PIP4K2A: variants seen among roughly 807,000 people sequenced by gnomAD.
The protein encoded by PIP4K2A is phosphatidylinositol-5-phosphate 4-kinase type 2 alpha, also known as phosphatidylinositol 5-phosphate 4-kinase type-2 alpha.
Under a neutral mutation model 42.9 loss-of-function variants are expected in PIP4K2A, and 14 were observed. The observed-to-expected ratio is 0.33, with a 90% CI of 0.22 to 0.51. PIP4K2A has a LOEUF of 0.51. PIP4K2A is among the 20% of genes least tolerant of loss of function. The probability of loss-of-function intolerance (pLI) is 0.97; values close to 1 mark genes in which losing one functional copy is unlikely to be tolerated. For missense variants in PIP4K2A, 434 were observed against 519.8 expected (o/e 0.83, Z 1.61); for synonymous variants, 192 against 192.2 (o/e 1.00, Z 0.01).
intron 1 of PIP4K2A, among the ~76,000 whole-genome samples, chr10:22,677,864 G>C (rs929525108): frequency 6.6e-6 from 1 of 152,160 alleles, no homozygotes; most frequent in African/African-American, 2.4e-5. Flanking sequence ...AAGTTTAAAT[G>C]AAAGTAACAA....
rs1835888717 is a variant in PIP4K2A at position 22,535,154 on chromosome 10, A to C, written c.*2047T>G. The C allele has an allele frequency of 6.6e-6, 1 of 152,248 alleles. No individual in the cohort carries two copies. The highest frequency in any genetic ancestry group is 1.5e-5 in the Non-Finnish European group (1 of 68,050). The allele number at this position is 152,248 out of a possible 1,614,324, so 9.4% of individuals were successfully genotyped here. On this transcript the variant is annotated 3_prime_UTR_variant, in exon 10 of 10. Coordinates refer to ENST00000376573, the MANE Select transcript of PIP4K2A (RefSeq NM_005028.5). ...TCTGTAAACTTCTAAAAGCATACAC[A>C]GATTGGCCCCCAAGGAAACAGTTAC...
At position 22,626,075 on chromosome 10, in the gene PIP4K2A, T is replaced by C. The variant is rs573220383; in HGVS notation, c.145-16358A>G. On this transcript the variant is annotated intron_variant, in intron 1 of 9. Transcript: ENST00000376573. ...GACAGAGATGACATTATAGCCATCC[T>C]GCGTGGTCCCGCTGAGTCTTTCCCA... Among the ~76,000 whole-genome samples the C allele has an allele frequency of 6.1e-4, 93 of 152,274 alleles. No homozygotes were observed. In the South Asian group the frequency reaches 8.7e-3, roughly 14 times the overall value.
intron 7 of PIP4K2A, among the ~76,000 whole-genome samples, chr10:22,546,440 C>A (rs1053844029): frequency 1.3e-5 from 2 of 152,140 alleles, no homozygotes; most frequent in African/African-American, 4.8e-5. Context: ...GAGACAGGGT[C>A]TGGCTCTGTC....
chr10:22,575,385 C>G (rs1473732362), intron 4 of PIP4K2A, among the ~76,000 whole-genome samples: 1 of 152,158 alleles, frequency 6.6e-6, no homozygotes, highest in Non-Finnish European at 1.5e-5. Flanking sequence ...TCACTGAGCT[C>G]CCATCACGAA....
At chr10:22,577,127 G>A (rs1188615841) in intron 4 of PIP4K2A, among the ~76,000 whole-genome samples, 1 of 149,662 alleles carries the variant, frequency 6.7e-6, no homozygotes, top group Non-Finnish European at 1.5e-5. Context: ...TAAAAAATAC[G>A]TATTGAGCAT....
chr10:22,694,583 T>C (rs1258134477), intron 1 of PIP4K2A: 2 of 152,238 alleles, frequency 1.3e-5, no homozygotes, highest in African/African-American at 2.4e-5. Context: ...CCTGACCTAC[T>C]CTGTGATCAC....
chr10:22,662,998 T>A (rs563063567), intron 1 of PIP4K2A, among the ~76,000 whole-genome samples: 2 of 152,344 alleles, frequency 1.3e-5, no homozygotes, highest in Admixed American at 6.5e-5. Flanking sequence ...AGGCAACTGA[T>A]GAATCCAAAA....
intron 1 of PIP4K2A, chr10:22,713,943 CG>C (rs1317058886): frequency 2.7e-6 from 1 of 371,662 alleles, no homozygotes; most frequent in Non-Finnish European, 4.9e-6. Flanking sequence ...CACATGCACA[CG>C]GGACCCCCGA....
chr10:22,536,294 A>G lies in PIP4K2A; in HGVS notation c.*907T>C. 1 of 395,216 alleles carries G rather than the reference A, an allele frequency of 2.5e-6. No homozygotes were observed. The highest frequency in any genetic ancestry group is 3.6e-5 in the East Asian group (1 of 27,912). The allele number at this position is 395,216 out of a possible 1,614,324, so 24.5% of individuals were successfully genotyped here. A position where few individuals can be genotyped will look rare whatever the true frequency, so the allele number is the denominator to read the frequency against. On this transcript the variant is annotated 3_prime_UTR_variant, in exon 10 of 10. Transcript: ENST00000376573. ...CATTGCCCCAAACTATGCACTTTTCAGGTAAGCTTTACTTTTATTTTGTAG... is the reference window on the plus strand; with the variant it reads ...CATTGCCCCAAACTATGCACTTTTCGGGTAAGCTTTACTTTTATTTTGTAG...
chr10:22,589,141 G>C (rs1350355148), intron 4 of PIP4K2A, among the ~76,000 whole-genome samples: 1 of 152,194 alleles, frequency 6.6e-6, no homozygotes, highest in Non-Finnish European at 1.5e-5. Context: ...TATTAGCATG[G>C]TATCATGGCC....
At chr10:22,623,847 G>A in intron 1 of PIP4K2A, among the ~76,000 whole-genome samples, 1 of 152,220 alleles carries the variant, frequency 6.6e-6, no homozygotes, top group Non-Finnish European at 1.5e-5. Flanking sequence ...CTAAGACTGA[G>A]CCCTGAGCTC....
chr10:22,620,791 C>G (rs1838311019), intron 1 of PIP4K2A, among the ~76,000 whole-genome samples: 1 of 152,248 alleles, frequency 6.6e-6, no homozygotes. Context: ...TTAGCCACCA[C>G]AGGGCTCTGG....
At chr10:22,543,830 C>T (rs576274903) in intron 7 of PIP4K2A, among the ~76,000 whole-genome samples, 7 of 152,254 alleles carry the variant, frequency 4.6e-5, no homozygotes, top group East Asian at 3.9e-4. Context: ...GTACCAGCTC[C>T]GCTATACATG....
chr10:22,560,017 T>C (rs1836645809), intron 6 of PIP4K2A, among the ~76,000 whole-genome samples: 1 of 152,220 alleles, frequency 6.6e-6, no homozygotes, highest in Non-Finnish European at 1.5e-5. Context: ...TAGATGTTAC[T>C]GGTGCCACCT....
intron 4 of PIP4K2A, among the ~76,000 whole-genome samples, chr10:22,589,496 C>T (rs932824087): frequency 3.9e-5 from 6 of 152,122 alleles, no homozygotes; most frequent in African/African-American, 1.2e-4. Context: ...AATTTAGAGG[C>T]TAATGATTTT....
At chr10:22,547,496 A>G (rs1175507464) in intron 7 of PIP4K2A, among the ~76,000 whole-genome samples, 1 of 152,202 alleles carries the variant, frequency 6.6e-6, no homozygotes, top group African/African-American at 2.4e-5. Context: ...GGCTGTTTTG[A>G]GAATGACAAG....
At chr10:22,617,524 A>G (rs1479868752) in intron 1 of PIP4K2A, among the ~76,000 whole-genome samples, 3 of 152,276 alleles carry the variant, frequency 2.0e-5, no homozygotes, top group African/African-American at 7.2e-5. Context: ...CTAATACATA[A>G]TTAGTAATTG....
chr10:22,681,623 C>T (rs573775735), intron 1 of PIP4K2A, among the ~76,000 whole-genome samples: 4 of 152,088 alleles, frequency 2.6e-5, no homozygotes, highest in Non-Finnish European at 4.4e-5. Flanking sequence ...TGCATTGAGC[C>T]ATGATGGCGC....
At chr10:22,692,847 T>C (rs771494441) in intron 1 of PIP4K2A, among the ~76,000 whole-genome samples, 1 of 152,154 alleles carries the variant, frequency 6.6e-6, no homozygotes, top group South Asian at 2.1e-4. Flanking sequence ...ACATGTCCTT[T>C]AGGCACTCAA....
Sources: gnomAD v4.1 joint callset for allele counts (sites outside exome capture counted in the v4.1 genomes callset) on GRCh38, gnomAD v4.1.1 for gene constraint, MANE v1.5 for transcripts, NCBI Gene and HGNC (gene_info 2026-07-23, HGNC 2026-07-21) for gene names.